OSBPL1A: variants seen among roughly 807,000 people sequenced by gnomAD.
OSBPL1A encodes the protein oxysterol-binding protein-related protein 1.
In OSBPL1A, 80 loss-of-function variants were observed where a neutral mutation model predicts 137.1. That is an observed-to-expected ratio of 0.58 (90% confidence interval 0.49 to 0.70). The LOEUF (loss-of-function observed/expected upper bound fraction) is 0.70. Ranked by LOEUF, OSBPL1A falls within the 30% of genes least tolerant of loss-of-function variation. The pLI, the probability that OSBPL1A is intolerant of heterozygous loss-of-function variation, is 0.00. For synonymous variants in OSBPL1A, 365 were observed against 389.7 expected (o/e 0.94, Z 0.75); for missense variants, 970 against 1,129.4 (o/e 0.86, Z 2.02).
intron 17 of OSBPL1A, among the ~76,000 whole-genome samples, chr18:24,196,719 T>A (rs934654030): frequency 6.6e-6 from 1 of 152,032 alleles, no homozygotes; most frequent in Non-Finnish European, 1.5e-5. Flanking sequence ...TAAAAATAAA[T>A]AAAAAGTAAA....
At chr18:24,220,371 T>G (rs1447261462) in intron 17 of OSBPL1A, among the ~76,000 whole-genome samples, 2 of 152,252 alleles carry the variant, frequency 1.3e-5, no homozygotes, top group Non-Finnish European at 2.9e-5. Context: ...AGAGGTGGGC[T>G]TCACAGCAGA....
intron 4 of OSBPL1A, among the ~76,000 whole-genome samples, chr18:24,350,092 G>C: frequency 6.6e-6 from 1 of 152,200 alleles, no homozygotes; most frequent in East Asian, 1.9e-4. Flanking sequence ...CAAGAATAAA[G>C]ACTACATTTC....
Position 24,163,136 on chromosome 18 carries a change from G to T in OSBPL1A, c.*43C>A. 1.4e-6 allele frequency: 2 copies of T among 1,424,030 alleles called. No homozygotes were observed. Among genetic ancestry groups the T allele is most frequent in the Non-Finnish European group, 2.0e-6 (2 of 1,022,732 alleles). 88.2% of individuals were successfully genotyped at this position (1,424,030 alleles called of 1,614,324 possible). On this transcript the variant is annotated 3_prime_UTR_variant, in exon 28 of 28. Coordinates refer to ENST00000319481, the MANE Select transcript of OSBPL1A (RefSeq NM_080597.4). ...AAAAAATTTAAAAACATAGGTTTAA[G>T]ACTTATTTGTAGATTAGCCAAACAC...
In OSBPL1A at chr18:24,166,561, T is replaced by C. The variant is rs768223815; in HGVS notation, c.2659+18A>G. ...GAGAAATGAGTCTTCACTGGTGGCT[T>C]TGGCGGATGCTAGTTACCTATCTCT... is the stretch of plus-strand genomic sequence containing the variant. On this transcript the variant is annotated intron_variant, in intron 26 of 27. Coordinates refer to ENST00000319481, the MANE Select transcript of OSBPL1A (RefSeq NM_080597.4). The C allele has an allele frequency of 5.0e-6, 8 of 1,599,824 alleles. No individual in the cohort carries two copies. Among genetic ancestry groups the C allele is most frequent in the Non-Finnish European group, 6.0e-6 (7 of 1,175,624 alleles).
intron 4 of OSBPL1A, among the ~76,000 whole-genome samples, chr18:24,349,584 G>A (rs1230786549): frequency 7.2e-5 from 11 of 152,084 alleles, no homozygotes; most frequent in Admixed American, 5.9e-4. Flanking sequence ...AGGCAGACAC[G>A]ACCTATTGAA....
rs1202105583 is a variant in OSBPL1A, at chr18:24,271,715, C to T, written c.1281+9127G>A. On this transcript the variant is annotated intron_variant, in intron 15 of 27. Transcript: ENST00000319481. This position sits in a 1 kb window ranked among gnomAD's most constrained non-coding sequence, Gnocchi z 4.0. ...GCGCTCGGCCTGCTCCTCCTCCTCC[C>T]CTCCAGTCGAGCCGAGGCGAGCCGA... 1.0e-6 allele frequency: 1 copy of T among 985,566 alleles called. No homozygotes were observed. Among genetic ancestry groups the T allele is most frequent in the Non-Finnish European group, 1.2e-6 (1 of 830,162 alleles). 61.1% of individuals were successfully genotyped at this position (985,566 alleles called of 1,614,324 possible). A position where few individuals can be genotyped will look rare whatever the true frequency, so the allele number is the denominator to read the frequency against.
At chr18:24,217,105 C>T (rs146253487) in intron 17 of OSBPL1A, among the ~76,000 whole-genome samples, 165 of 152,134 alleles carry the variant, frequency 1.1e-3, no homozygotes, top group Middle Eastern at 6.8e-3. Flanking sequence ...CTTACTCTGA[C>T]CAAAGAGGGG....
chr18:24,384,630 G>T (rs1008915660), intron 1 of OSBPL1A, among the ~76,000 whole-genome samples: 1 of 151,990 alleles, frequency 6.6e-6, no homozygotes, highest in African/African-American at 2.4e-5. Flanking sequence ...AGCACTTTGC[G>T]AGGCCAAGAT....
At chr18:24,344,446 C>T (rs1471020084) in intron 4 of OSBPL1A, among the ~76,000 whole-genome samples, 1 of 152,174 alleles carries the variant, frequency 6.6e-6, no homozygotes, top group Non-Finnish European at 1.5e-5. Flanking sequence ...GAGCAAGATT[C>T]TGTCTCAAAA....
rs751432894 is a variant in OSBPL1A, at chr18:24,390,694, C to CAAA, written c.-3+6958_-3+6960dup. Among the ~76,000 whole-genome samples the CAAA allele has an allele frequency of 1.2e-3, 65 of 56,200 alleles. 2 individuals are homozygous for CAAA. Among genetic ancestry groups the CAAA allele is most frequent in the African/African-American group, 3.6e-3 (51 of 14,066 alleles). The allele number at this position is 56,200 out of a possible 152,430, so 36.9% of individuals were successfully genotyped here. A position where few individuals can be genotyped will look rare whatever the true frequency, so the allele number is the denominator to read the frequency against. Reference sequence around the variant, plus strand: ...TGGGCAACAGAGTGCGACTCCGTCTCAAAAAAAAAAAAAAAAAAAAAAAAA... The same window carrying CAAA: ...TGGGCAACAGAGTGCGACTCCGTCTCAAAAAAAAAAAAAAAAAAAAAAAAAAAA... On this transcript the variant is annotated intron_variant, in intron 1 of 27. Coordinates refer to ENST00000319481, the MANE Select transcript of OSBPL1A (RefSeq NM_080597.4).
intron 15 of OSBPL1A, among the ~76,000 whole-genome samples, chr18:24,255,983 C>CA (rs1484057719): frequency 6.6e-6 from 1 of 152,018 alleles, no homozygotes; most frequent in Non-Finnish European, 1.5e-5. Context: ...TTAGTAGAGA[C>CA]GGGGTTTTGC....
intron 15 of OSBPL1A, among the ~76,000 whole-genome samples, chr18:24,246,936 CTA>C (rs1390525701): frequency 7.9e-5 from 12 of 151,928 alleles, no homozygotes; most frequent in African/African-American, 2.9e-4. Flanking sequence ...GACAGACTGA[CTA>C]TGTGATATAA....
chr18:24,377,433 A>G lies in OSBPL1A; in HGVS notation c.101T>C (p.Ile34Thr). Residue 34 changes from isoleucine to threonine, a missense_variant, in exon 2 of 28, where the codon ATT (isoleucine) becomes ACT (threonine). By Grantham distance (89) the Ile-to-Thr change is moderately conservative. Coordinates refer to ENST00000319481, the MANE Select transcript of OSBPL1A (RefSeq NM_080597.4). ...LLETMARNEV[I>T]ADINCKGRSK... ...TTTACCTTTGCAATTAATGTCAGCAATCACTTCATTCCTCGCCATGGTCTC... is the reference window on the plus strand; with the variant it reads ...TTTACCTTTGCAATTAATGTCAGCAGTCACTTCATTCCTCGCCATGGTCTC... The G allele has an allele frequency of 6.2e-7, 1 of 1,608,822 alleles. No homozygotes were observed. Among genetic ancestry groups the G allele is most frequent in the South Asian group, 1.1e-5 (1 of 89,270 alleles).
intron 17 of OSBPL1A, among the ~76,000 whole-genome samples, chr18:24,197,206 G>A (rs1423055268): frequency 1.3e-5 from 2 of 152,062 alleles, no homozygotes; most frequent in Non-Finnish European, 2.9e-5. Context: ...AATCAGCCAC[G>A]TGTGGTAGTG....
chr18:24,378,675 C>A (rs1252080776), intron 1 of OSBPL1A, among the ~76,000 whole-genome samples: 1 of 152,180 alleles, frequency 6.6e-6, no homozygotes, highest in Non-Finnish European at 1.5e-5. Context: ...GCTGTATAGG[C>A]TGGTGACTGG....
chr18:24,311,234 T>A (rs2090615513), intron 13 of OSBPL1A, among the ~76,000 whole-genome samples: 1 of 152,208 alleles, frequency 6.6e-6, no homozygotes, highest in Non-Finnish European at 1.5e-5. Context: ...CTAGAAACAT[T>A]CAAATCTTGC....
chr18:24,198,767 C>T (rs530801680), intron 17 of OSBPL1A, among the ~76,000 whole-genome samples: 1 of 152,190 alleles, frequency 6.6e-6, no homozygotes, highest in South Asian at 2.1e-4. Context: ...CAATCTCAGA[C>T]TGCCACAATG....
intron 5 of OSBPL1A, among the ~76,000 whole-genome samples, chr18:24,336,857 A>T (rs1268364705): frequency 6.6e-6 from 1 of 152,246 alleles, no homozygotes; most frequent in Non-Finnish European, 1.5e-5. Context: ...AGAGTAATCA[A>T]TGATTAGGGC....
intron 18 of OSBPL1A, among the ~76,000 whole-genome samples, chr18:24,186,558 T>C (rs1009628737): frequency 6.6e-6 from 1 of 152,130 alleles, no homozygotes; most frequent in Non-Finnish European, 1.5e-5. Context: ...CTTTTCTGTA[T>C]TTTCCAGATT....
Sources: gnomAD v4.1 joint callset for allele counts (sites outside exome capture counted in the v4.1 genomes callset) on GRCh38, gnomAD v4.1.1 for gene constraint, Gnocchi (gnomAD v3.1) non-coding constraint, MANE v1.5 for transcripts, NCBI Gene and HGNC (gene_info 2026-07-23, HGNC 2026-07-21) for gene names.